Variants in PTPRD observed in about 807,000 individuals in gnomAD.
The protein encoded by PTPRD is protein tyrosine phosphatase receptor type D, also known as receptor-type tyrosine-protein phosphatase delta.
In PTPRD, 34 loss-of-function variants were observed where a neutral mutation model predicts 214.5. The ratio of observed to expected loss-of-function variants is 0.16; its 90% CI spans 0.12 to 0.21. The LOEUF (loss-of-function observed/expected upper bound fraction) is 0.21, where lower values mean the gene tolerates loss of function less well. Among genes scored for constraint, PTPRD ranks in the 10% least tolerant of loss-of-function variants. The pLI is 1.00. For missense variants in PTPRD, 2,545 were observed against 2,398.7 expected (o/e 1.06, Z -1.27); for synonymous variants, 1,128 against 845.7 (o/e 1.33, Z -5.79).
chr9:8,596,525 A>C (rs866399305), intron 14 of PTPRD, among the ~76,000 whole-genome samples: 1 of 152,120 alleles, frequency 6.6e-6, no homozygotes, highest in East Asian at 1.9e-4. Flanking sequence ...AGGCCTGCAG[A>C]GGAGCAGAAA....
rs185101952 is a variant in PTPRD, at chr9:10,365,668, C to T, written c.-599-24651G>A. 3.9e-5 allele frequency among the ~76,000 whole-genome samples: 6 copies of T among 152,210 alleles called. No individual in the cohort carries two copies. The East Asian group carries it at 1.2e-3, about 29-fold the overall frequency. ...TAGAACATAAGAGGAGCTCAGTCAA[C>T]ATTTACTGAATAAATAAATAAAAAC... On this transcript the variant is annotated intron_variant, in intron 2 of 45. Coordinates refer to ENST00000381196, the MANE Select transcript of PTPRD (RefSeq NM_002839.4).
intron 8 of PTPRD, among the ~76,000 whole-genome samples, chr9:9,521,831 T>C (rs2096980330): frequency 6.6e-6 from 1 of 152,034 alleles, no homozygotes; most frequent in Admixed American, 6.6e-5. Context: ...TGTTTAGTGT[T>C]CTTTGGGGGC....
chr9:9,248,629 G>A (rs553720609), intron 9 of PTPRD, among the ~76,000 whole-genome samples: 1 of 152,044 alleles, frequency 6.6e-6, no homozygotes, highest in East Asian at 1.9e-4. Flanking sequence ...TGTTGAAAAG[G>A]AATCTGAGGC....
intron 9 of PTPRD, among the ~76,000 whole-genome samples, chr9:9,225,437 T>C (rs1569564696): frequency 1.3e-5 from 2 of 151,964 alleles, no homozygotes; most frequent in South Asian, 2.1e-4. Flanking sequence ...AAGATGAACA[T>C]GATTGATGAA....
At chr9:9,902,879 C>T (rs538338263) in intron 5 of PTPRD, among the ~76,000 whole-genome samples, 1 of 152,110 alleles carries the variant, frequency 6.6e-6, no homozygotes, top group Non-Finnish European at 1.5e-5. Flanking sequence ...CAACACACAG[C>T]AACATTTTCT....
In PTPRD at chr9:9,988,483, G is replaced by C. The variant is rs141086365; in HGVS notation, c.-472+45235C>G. 1.2e-4 allele frequency among the ~76,000 whole-genome samples: 19 copies of C among 152,220 alleles called. No individual in the cohort carries two copies. The East Asian group carries it at 2.5e-3, about 20-fold the overall frequency. On this transcript the variant is annotated intron_variant, in intron 4 of 45. Coordinates refer to ENST00000381196, the MANE Select transcript of PTPRD (RefSeq NM_002839.4). ...ACAGATGTTATTATCTATTAAATTAGATTTGGTATCTGTATTTTTAGGTTT... is the reference window on the plus strand; with the variant it reads ...ACAGATGTTATTATCTATTAAATTACATTTGGTATCTGTATTTTTAGGTTT...
chr9:9,166,139 A>ATT (rs5896304), intron 10 of PTPRD, among the ~76,000 whole-genome samples: 65 of 141,032 alleles, frequency 4.6e-4, no homozygotes, highest in African/African-American at 1.3e-3. Flanking sequence ...TCTGGGTTTG[A>ATT]TTTTTTTTTT....
intron 11 of PTPRD, among the ~76,000 whole-genome samples, chr9:8,841,870 G>A (rs886859431): frequency 1.3e-5 from 2 of 151,982 alleles, no homozygotes; most frequent in African/African-American, 4.8e-5. Context: ...AATTAGCCAG[G>A]TGTGGTGGCG....
rs1046752911 is a variant in PTPRD at position 8,564,946 on chromosome 9, C to A, written c.353-36167G>T. Among the ~76,000 whole-genome samples, 75 of 152,134 alleles carry A rather than the reference C, an allele frequency of 4.9e-4. 1 individual carries two copies. Among genetic ancestry groups the A allele is most frequent in the Non-Finnish European group, 8.7e-4 (59 of 68,026 alleles). On this transcript the variant is annotated intron_variant, in intron 14 of 45. Coordinates refer to ENST00000381196, the MANE Select transcript of PTPRD (RefSeq NM_002839.4). ...TAAAATGGAAAGAAATCATGAGATT[C>A]TCAAAATGTAGCCACTGGTTGGATA...
intron 8 of PTPRD, among the ~76,000 whole-genome samples, chr9:9,505,902 A>C (rs1204051900): frequency 6.6e-6 from 1 of 151,450 alleles, no homozygotes; most frequent in Non-Finnish European, 1.5e-5. Context: ...CGGGACAATC[A>C]CCAATAAACA....
At chr9:8,794,188 T>A (rs2096333725) in intron 11 of PTPRD, among the ~76,000 whole-genome samples, 1 of 152,168 alleles carries the variant, frequency 6.6e-6, no homozygotes. Context: ...TGCAAAAACA[T>A]CTGCTCCCTA....
chr9:8,581,703 C>T (rs1190651672), intron 14 of PTPRD, among the ~76,000 whole-genome samples: 11 of 151,500 alleles, frequency 7.3e-5, no homozygotes, highest in Admixed American at 1.3e-4. Flanking sequence ...GCCGAGATCC[C>T]GCTACTGCAC....
intron 2 of PTPRD, among the ~76,000 whole-genome samples, chr9:10,467,311 T>G (rs1420646128): frequency 6.6e-6 from 1 of 152,206 alleles, no homozygotes; most frequent in Non-Finnish European, 1.5e-5. Flanking sequence ...CTGTAACAAT[T>G]TGCTTGTGAA....
chr9:8,529,680 C>A (rs897107567), intron 14 of PTPRD, among the ~76,000 whole-genome samples: 1 of 152,126 alleles, frequency 6.6e-6, no homozygotes, highest in African/African-American at 2.4e-5. Flanking sequence ...CTGACATTGC[C>A]AGCTCTTCTA....
At chr9:8,344,275 T>A (rs1312820751) in intron 39 of PTPRD, among the ~76,000 whole-genome samples, 3 of 152,096 alleles carry the variant, frequency 2.0e-5, no homozygotes. Context: ...CTGAGCCCTA[T>A]ACATCAAGTC....
At chr9:9,358,229 G>C (rs1388606965) in intron 9 of PTPRD, among the ~76,000 whole-genome samples, 1 of 150,908 alleles carries the variant, frequency 6.6e-6, no homozygotes, top group Non-Finnish European at 1.5e-5. Context: ...TTCTTATTTA[G>C]GTTATATTGC....
intron 13 of PTPRD, among the ~76,000 whole-genome samples, chr9:8,634,413 T>C (rs1394856878): frequency 6.6e-6 from 1 of 152,046 alleles, no homozygotes; most frequent in Non-Finnish European, 1.5e-5. Context: ...TAAATTGAGA[T>C]TGCCTCATAT....
At chr9:9,164,052 T>A (rs778798479) in intron 10 of PTPRD, among the ~76,000 whole-genome samples, 2 of 152,158 alleles carry the variant, frequency 1.3e-5, no homozygotes, top group African/African-American at 4.8e-5. Flanking sequence ...CCTATCATGC[T>A]TTATTATTAT....
chr9:9,042,614 CTTTTCTTTTTTTTTTT>C (rs2099643780), intron 10 of PTPRD, among the ~76,000 whole-genome samples: 1 of 112,476 alleles, frequency 8.9e-6, no homozygotes, highest in Admixed American at 9.0e-5. Flanking sequence ...TCTTTTTTTT[CTTTTCTTTTTTTTTTT>C]TTTTGGTCTA....
Sources: gnomAD v4.1 joint callset for allele counts (sites outside exome capture counted in the v4.1 genomes callset) on GRCh38, gnomAD v4.1.1 for gene constraint, MANE v1.5 for transcripts, NCBI Gene and HGNC (gene_info 2026-07-23, HGNC 2026-07-21) for gene names.